The following CES5A variants were observed in gnomAD, a reference collection of about 807,000 sequenced individuals.
CES5A encodes the protein carboxylesterase 5.
In CES5A, 67 loss-of-function variants were observed where a neutral mutation model predicts 62.9. The ratio of observed to expected loss-of-function variants is 1.07; its 90% CI spans 0.88 to 1.31. CES5A has a LOEUF of 1.31. Ranked by LOEUF, CES5A falls within the 50% of genes most tolerant of loss-of-function variation. The pLI is 0.00. For missense variants in CES5A, 748 were observed against 708.5 expected (o/e 1.06, Z -0.63); for synonymous variants, 296 against 280.8 (o/e 1.05, Z -0.54).
upstream of CES5A, among the ~76,000 whole-genome samples, chr16:55,927,475 A>G (rs1199351704): frequency 6.6e-6 from 1 of 152,270 alleles, no homozygotes; most frequent in Non-Finnish European, 1.5e-5. Context: ...GACATTTCTC[A>G]AAAGAGAATA....
intron 12 of CES5A, 30 bp downstream of exon 12, chr16:55,846,738 G>A: frequency 6.2e-7 from 1 of 1,613,612 alleles, no homozygotes; most frequent in African/African-American, 1.3e-5. Flanking sequence ...CCCAGGCCTT[G>A]GCATGGGGGA....
At chr16:55,937,797 C>T (rs555611911) in intron 2 of CES5A, among the ~76,000 whole-genome samples, 1 of 152,082 alleles carries the variant, frequency 6.6e-6, no homozygotes, top group Non-Finnish European at 1.5e-5. Context: ...GGCCCTTTCC[C>T]AAAAGGGTCC....
chr16:55,860,130 T>C (rs1302030316), intron 7 of CES5A, among the ~76,000 whole-genome samples: 1 of 151,936 alleles, frequency 6.6e-6, no homozygotes, highest in Non-Finnish European at 1.5e-5. Context: ...GATGGTTTTA[T>C]AAAGGGGAGC....
chr16:55,871,760 G>C lies in CES5A; in HGVS notation c.282C>G (p.Cys94Trp). Residue 94 changes from cysteine (C) to tryptophan (W), a missense_variant, in exon 3 of 13, where the codon TGC (cysteine) becomes TGG (tryptophan). By Grantham distance (215) the Cys-to-Trp change is radical (BLOSUM62 -2). Transcript: ENST00000290567. ...AGAGCAGCCACTCTGAGTTCTGGAGGCACCTTGGAGAAGGAGAGGAGAAAA... is the reference window on the plus strand; with the variant it reads ...AGAGCAGCCACTCTGAGTTCTGGAGCCACCTTGGAGAAGGAGAGGAGAAAA... ...LREATSYPNL[C>W]LQNSEWLLLD... 6.2e-7 allele frequency: 1 copy of C among 1,613,864 alleles called. No homozygotes were observed. Among genetic ancestry groups the C allele is most frequent in the South Asian group, 1.1e-5 (1 of 91,036 alleles).
chr16:55,886,070 C>A (rs1218133943), intron 1 of CES5A, among the ~76,000 whole-genome samples: 1 of 152,216 alleles, frequency 6.6e-6, no homozygotes, highest in Non-Finnish European at 1.5e-5. Context: ...GTGGAAGAGG[C>A]AAACAGGCCT....
chr16:55,867,054 C>G (rs1289780751), intron 4 of CES5A, among the ~76,000 whole-genome samples: 1 of 152,136 alleles, frequency 6.6e-6, no homozygotes, highest in Admixed American at 6.5e-5. Context: ...GGAATGACAT[C>G]ACCCAGGCCT....
intron 2 of CES5A, among the ~76,000 whole-genome samples, chr16:55,935,915 A>G (rs1460490347): frequency 6.6e-6 from 1 of 152,220 alleles, no homozygotes; most frequent in Non-Finnish European, 1.5e-5. Flanking sequence ...ATAGAAGTTA[A>G]TAAACAGGAA....
chr16:55,874,785 G>C (rs1597129252), intron 1 of CES5A, among the ~76,000 whole-genome samples: 1 of 152,224 alleles, frequency 6.6e-6, no homozygotes, highest in East Asian at 1.9e-4. Flanking sequence ...GCAAAACCCG[G>C]GTGTCTTAGC....
chr16:55,938,539 C>T (rs2034402182), intron 2 of CES5A, among the ~76,000 whole-genome samples: 1 of 150,800 alleles, frequency 6.6e-6, no homozygotes, highest in Non-Finnish European at 1.5e-5. Flanking sequence ...AGATCAAGAC[C>T]ATCCTGGCTA....
intron 1 of CES5A, among the ~76,000 whole-genome samples, chr16:55,882,975 T>C (rs994175025): frequency 6.6e-6 from 1 of 152,198 alleles, no homozygotes; most frequent in East Asian, 1.9e-4. Flanking sequence ...CAGCTAACCC[T>C]GTAACTGAAT....
intron 2 of CES5A, among the ~76,000 whole-genome samples, chr16:55,937,672 G>A (rs1395551014): frequency 4.6e-5 from 7 of 152,232 alleles, no homozygotes; most frequent in African/African-American, 1.7e-4. Flanking sequence ...ATGTAGGAAA[G>A]TTGTGAGTCT....
At chr16:55,917,056 T>C (rs1397795032) in intron 1 of CES5A, among the ~76,000 whole-genome samples, 3 of 152,238 alleles carry the variant, frequency 2.0e-5, no homozygotes, top group Admixed American at 2.0e-4. Context: ...AAATTTCCCT[T>C]GTTTGGCCAA....
intron 1 of CES5A, among the ~76,000 whole-genome samples, chr16:55,919,045 A>T (rs2216057): frequency 0.015 from 2,293 of 152,298 alleles, 71 homozygotes; most frequent in African/African-American, 0.052. Context: ...AGCATCCTAC[A>T]GGACCCCCTA....
At position 55,885,188 on chromosome 16, in the gene CES5A, A is replaced by AC. The variant is rs147467869; in HGVS notation, c.-255-11152dup. On this transcript the variant is annotated intron_variant, in intron 1 of 12. Coordinates refer to the CES5A transcript ENST00000518005. ...AAATACTTACATCATTGCACCTCCTACAGCATTCCCCCTAATGTGGGACAT... is the reference window on the plus strand; with the variant it reads ...AAATACTTACATCATTGCACCTCCTACCAGCATTCCCCCTAATGTGGGACAT... Among the ~76,000 whole-genome samples, 673 of 152,204 alleles carry AC rather than the reference A, an allele frequency of 4.4e-3. 3 individuals carry two copies. Among genetic ancestry groups the AC allele is most frequent in the African/African-American group, 0.015 (624 of 41,526 alleles).
intron 1 of CES5A, among the ~76,000 whole-genome samples, chr16:55,952,366 A>G (rs997918890): frequency 3.9e-5 from 6 of 152,110 alleles, no homozygotes; most frequent in Non-Finnish European, 8.8e-5. Context: ...AAGAAGTTAG[A>G]AAGAGAAAAA....
At chr16:55,896,674 A>G (rs1045247683) in intron 1 of CES5A, among the ~76,000 whole-genome samples, 15 of 152,196 alleles carry the variant, frequency 9.9e-5, no homozygotes, top group African/African-American at 3.4e-4. Flanking sequence ...GTCTTTCTCC[A>G]TATAAATGGT....
At chr16:55,949,267 T>C (rs953001215) in intron 2 of CES5A, among the ~76,000 whole-genome samples, 28 of 152,266 alleles carry the variant, frequency 1.8e-4, no homozygotes, top group African/African-American at 6.7e-4. Flanking sequence ...TGAGCTGCAA[T>C]GCAGTGCCAG....
intron 1 of CES5A, among the ~76,000 whole-genome samples, chr16:55,910,935 C>T (rs968706352): frequency 2.0e-5 from 3 of 152,160 alleles, no homozygotes; most frequent in Non-Finnish European, 4.4e-5. Context: ...GCCCCTGCTT[C>T]CTCACTCCCT....
intron 1 of CES5A, among the ~76,000 whole-genome samples, chr16:55,909,866 G>C (rs765515458): frequency 1.3e-4 from 20 of 152,202 alleles, no homozygotes; most frequent in Non-Finnish European, 5.9e-5. Context: ...ATCTGGACCA[G>C]ATGGTCCCTA....
Sources: gnomAD v4.1 joint callset for allele counts (sites outside exome capture counted in the v4.1 genomes callset) on GRCh38, gnomAD v4.1.1 for gene constraint, MANE v1.5 for transcripts, NCBI Gene and HGNC (gene_info 2026-07-23, HGNC 2026-07-21) for gene names.